Variants in CA10 observed in about 807,000 individuals in gnomAD.
The protein encoded by CA10 is carbonic anhydrase-related protein 10.
A neutral mutation model predicts 44.2 loss-of-function variants in CA10; 14 were observed. The observed-to-expected ratio is 0.32, with a 90% CI of 0.21 to 0.50. The LOEUF (loss-of-function observed/expected upper bound fraction) is 0.50, where lower values mean the gene tolerates loss of function less well. Among genes scored for constraint, CA10 ranks in the 20% least tolerant of loss-of-function variants. The pLI is 0.99. For missense variants in CA10, 350 were observed against 409.7 expected (o/e 0.85, Z 1.26); for synonymous variants, 159 against 141.6 (o/e 1.12, Z -0.87).
At chr17:51,696,585 C>T (rs776453273) in intron 4 of CA10, among the ~76,000 whole-genome samples, 2 of 152,056 alleles carry the variant, frequency 1.3e-5, no homozygotes, top group African/African-American at 2.4e-5. Context: ...CAATTTCATT[C>T]AGTTCTGCTC....
chr17:51,867,068 C>A (rs939538601), intron 3 of CA10, among the ~76,000 whole-genome samples: 11 of 151,828 alleles, frequency 7.2e-5, no homozygotes, highest in Non-Finnish European at 1.5e-4. Flanking sequence ...TTCTTTGGCT[C>A]CCCTGTGCTA....
intron 3 of CA10, among the ~76,000 whole-genome samples, chr17:51,892,413 G>A (rs780690789): frequency 6.6e-6 from 1 of 152,156 alleles, no homozygotes; most frequent in Non-Finnish European, 1.5e-5. Flanking sequence ...AATCCTGGGA[G>A]ATAGTATAAT....
chr17:51,931,022 T>C lies in CA10; in HGVS notation c.247A>G (p.Thr83Ala), dbSNP rs1567889830. The part of the protein sequence containing the change: ...TSHMIFDPFL[T>A]PLRINTGGRK... ...CCCCCCGTGTTGATGCGAAGAGGTG[T>C]CAGAAAGGGGTCGAAGATCATGTGA... Residue 83 changes from threonine to alanine, a missense_variant, in exon 3 of 9, where the codon ACA becomes GCA. Transcript: ENST00000451037. 6.2e-7 allele frequency: 1 copy of C among 1,613,358 alleles called. No homozygotes were observed. The highest frequency in any genetic ancestry group is 1.3e-5 in the African/African-American group (1 of 74,928).
intron 1 of CA10, among the ~76,000 whole-genome samples, chr17:52,104,042 G>A (rs149337525): frequency 0.035 from 5,314 of 152,256 alleles, 132 homozygotes; most frequent in Non-Finnish European, 0.048. Flanking sequence ...CATAAAATGA[G>A]GATAATTAAA....
intron 4 of CA10, among the ~76,000 whole-genome samples, chr17:51,662,690 G>A (rs1313987364): frequency 6.6e-6 from 1 of 152,158 alleles, no homozygotes; most frequent in East Asian, 1.9e-4. Flanking sequence ...CTAAGGTTTG[G>A]TAACTATCAT....
At chr17:51,807,253 A>C (rs1456803620) in intron 3 of CA10, among the ~76,000 whole-genome samples, 1 of 152,180 alleles carries the variant, frequency 6.6e-6, no homozygotes, top group Non-Finnish European at 1.5e-5. Flanking sequence ...CCTGGAGAGC[A>C]TTTGCTTTCG....
At chr17:52,117,109 GT>G (rs565061068) in intron 1 of CA10, among the ~76,000 whole-genome samples, 132 of 152,288 alleles carry the variant, frequency 8.7e-4, no homozygotes, top group African/African-American at 3.1e-3. Context: ...AGGCCTTTAT[GT>G]TTTTCTCTTC....
chr17:51,884,703 TG>T (rs1980523160), intron 3 of CA10, among the ~76,000 whole-genome samples: 1 of 151,876 alleles, frequency 6.6e-6, no homozygotes, highest in South Asian at 2.1e-4. Context: ...TAGCGCAAAC[TG>T]GGAGGCTTAG....
intron 4 of CA10, among the ~76,000 whole-genome samples, chr17:51,710,449 A>C (rs187188328): frequency 6.6e-6 from 1 of 152,106 alleles, no homozygotes; most frequent in African/African-American, 2.4e-5. Flanking sequence ...TAAACACAAC[A>C]CCCAGGTTGT....
chr17:51,676,915 G>T (rs1356093825), intron 4 of CA10, among the ~76,000 whole-genome samples: 5 of 152,094 alleles, frequency 3.3e-5, no homozygotes, highest in African/African-American at 1.2e-4. Context: ...GTGATGATGG[G>T]TCTACCACAG....
intron 3 of CA10, among the ~76,000 whole-genome samples, chr17:51,844,831 A>ACTCTATG (rs1978419011): frequency 6.6e-6 from 1 of 152,180 alleles, no homozygotes; most frequent in South Asian, 2.1e-4. Context: ...TTGCATAGAA[A>ACTCTATG]CACCCACACC....
chr17:51,676,291 A>G (rs1171253221), intron 4 of CA10, among the ~76,000 whole-genome samples: 1 of 152,244 alleles, frequency 6.6e-6, no homozygotes, highest in Non-Finnish European at 1.5e-5. Context: ...GAGGGTGAAC[A>G]TCTAGAGCCA....
intron 3 of CA10, among the ~76,000 whole-genome samples, chr17:51,867,802 A>G (rs6504751): frequency 0.29 from 44,629 of 152,060 alleles, 7,310 homozygotes; most frequent in African/African-American, 0.44. Flanking sequence ...CAGAATGTGG[A>G]GTTCTGCCTC....
At chr17:52,106,345 G>A (rs1988662260) in intron 1 of CA10, among the ~76,000 whole-genome samples, 1 of 152,208 alleles carries the variant, frequency 6.6e-6, no homozygotes, top group Admixed American at 6.5e-5. Context: ...AGCCAGGGAG[G>A]TGGAATCCTC....
intron 3 of CA10, among the ~76,000 whole-genome samples, chr17:51,842,075 T>C (rs1340812568): frequency 6.6e-6 from 1 of 152,210 alleles, no homozygotes; most frequent in East Asian, 1.9e-4. Flanking sequence ...GGGATTCCTG[T>C]GATAGTCTGA....
chr17:51,872,086 G>A (rs1305173325), intron 3 of CA10, among the ~76,000 whole-genome samples: 2 of 152,202 alleles, frequency 1.3e-5, no homozygotes, highest in South Asian at 4.1e-4. Context: ...GCATACCCAG[G>A]TAAGAAACAG....
intron 4 of CA10, among the ~76,000 whole-genome samples, chr17:51,724,899 G>T (rs925615464): frequency 1.3e-5 from 2 of 152,164 alleles, no homozygotes; most frequent in Non-Finnish European, 2.9e-5. Flanking sequence ...AAGATAAAGG[G>T]CATAGTAATA....
chr17:52,070,254 T>C (rs541549391), intron 2 of CA10, among the ~76,000 whole-genome samples: 1 of 152,304 alleles, frequency 6.6e-6, no homozygotes, highest in African/African-American at 2.4e-5. Context: ...CTTGACCTTA[T>C]AAATTCAAGC....
At chr17:51,820,194 C>CCG (rs1820979794) in intron 3 of CA10, among the ~76,000 whole-genome samples, 1 of 132,704 alleles carries the variant, frequency 7.5e-6, no homozygotes, top group African/African-American at 2.9e-5. Flanking sequence ...CGCCCCCCCC[C>CCG]CCCCAGGTAA....
Sources: gnomAD v4.1 joint callset for allele counts (sites outside exome capture counted in the v4.1 genomes callset) on GRCh38, gnomAD v4.1.1 for gene constraint, MANE v1.5 for transcripts, NCBI Gene and HGNC (gene_info 2026-07-23, HGNC 2026-07-21) for gene names.